The following CSMD1 variants were observed in gnomAD, a reference collection of about 807,000 sequenced individuals.
The protein encoded by CSMD1 is CUB and Sushi multiple domains 1, also known as CUB and sushi domain-containing protein 1.
In CSMD1, 213 loss-of-function variants were observed where a neutral mutation model predicts 417.5. The observed-to-expected ratio is 0.51, with a 90% confidence interval of 0.46 to 0.57. CSMD1 has a LOEUF of 0.57. Ranked by LOEUF, CSMD1 falls within the 20% of genes least tolerant of loss-of-function variation. CSMD1 has a pLI of 0.00. For missense variants in CSMD1, 6,923 were observed against 4,529.7 expected (o/e 1.53, Z -15.17); for synonymous variants, 2,862 against 1,736.8 (o/e 1.65, Z -16.11).
chr8:4,804,174 C>T (rs902738599), intron 1 of CSMD1, among the ~76,000 whole-genome samples: 8 of 152,222 alleles, frequency 5.3e-5, no homozygotes, highest in South Asian at 2.1e-4. Flanking sequence ...CTGAATGGAA[C>T]CAAATAATGA....
intron 1 of CSMD1, among the ~76,000 whole-genome samples, chr8:4,823,878 G>A (rs1014484703): frequency 5.9e-5 from 9 of 151,900 alleles, no homozygotes; most frequent in Non-Finnish European, 1.0e-4. Context: ...GCTTAATATT[G>A]AACTTTGAGA....
chr8:4,954,191 C>T (rs554527246), intron 1 of CSMD1, among the ~76,000 whole-genome samples: 1 of 152,164 alleles, frequency 6.6e-6, no homozygotes, highest in South Asian at 2.1e-4. Context: ...AAACAGAAAA[C>T]ACATTATGTG....
At chr8:3,450,565 G>GTT (rs200679428) in intron 12 of CSMD1, among the ~76,000 whole-genome samples, 75 of 144,906 alleles carry the variant, frequency 5.2e-4, no homozygotes, top group East Asian at 2.6e-3. Flanking sequence ...TGCAGTGTTT[G>GTT]TTTTTTTTTT....
intron 25 of CSMD1, among the ~76,000 whole-genome samples, chr8:3,300,201 G>A (rs1804279292): frequency 1.3e-5 from 2 of 152,078 alleles, no homozygotes; most frequent in South Asian, 4.2e-4. Context: ...CAAAATAAAT[G>A]TTCAGAATAA....
chr8:4,008,443 G>C (rs938129603), intron 4 of CSMD1, among the ~76,000 whole-genome samples: 2 of 151,316 alleles, frequency 1.3e-5, no homozygotes, highest in African/African-American at 2.4e-5. Flanking sequence ...CTGAAATTTG[G>C]TGACAGAATT....
chr8:3,479,080 C>G (rs1817589516), intron 11 of CSMD1, among the ~76,000 whole-genome samples: 1 of 152,042 alleles, frequency 6.6e-6, no homozygotes, highest in Non-Finnish European at 1.5e-5. Flanking sequence ...CAGCAGAAAG[C>G]AGTGGAGACT....
At chr8:3,507,863 T>C (rs1051622323) in intron 10 of CSMD1, among the ~76,000 whole-genome samples, 3 of 152,190 alleles carry the variant, frequency 2.0e-5, no homozygotes, top group Admixed American at 1.3e-4. Context: ...GTTTGTTTTT[T>C]TTCTTGCAAA....
At chr8:4,810,626 T>C (rs1475611460) in intron 1 of CSMD1, among the ~76,000 whole-genome samples, 1 of 152,118 alleles carries the variant, frequency 6.6e-6, no homozygotes, top group Non-Finnish European at 1.5e-5. Context: ...TCCAGGAAAA[T>C]ATGCAGATAA....
chr8:3,814,094 G>C (rs188121769), intron 5 of CSMD1, among the ~76,000 whole-genome samples: 1 of 152,288 alleles, frequency 6.6e-6, no homozygotes, highest in African/African-American at 2.4e-5. Flanking sequence ...TGAAGGAAGA[G>C]CTTGAGATCA....
chr8:3,301,123 C>T (rs1804369490), intron 25 of CSMD1, among the ~76,000 whole-genome samples: 2 of 151,918 alleles, frequency 1.3e-5, no homozygotes, highest in South Asian at 2.1e-4. Flanking sequence ...ATGATTTCTT[C>T]AATTGTTTTT....
chr8:3,556,049 T>C (rs1020981490), intron 10 of CSMD1, among the ~76,000 whole-genome samples: 53 of 152,246 alleles, frequency 3.5e-4, no homozygotes, highest in African/African-American at 1.3e-3. Flanking sequence ...ACATTAACTT[T>C]TCGCTCTAGA....
intron 13 of CSMD1, among the ~76,000 whole-genome samples, 179 bp downstream of exon 13, chr8:3,409,244 T>C (rs937829401): frequency 5.9e-5 from 9 of 152,230 alleles, no homozygotes; most frequent in Admixed American, 1.3e-4. Context: ...TTTTACTAAA[T>C]GAAGAAAGCA....
intron 2 of CSMD1, among the ~76,000 whole-genome samples, chr8:4,443,242 G>T (rs1179304487): frequency 6.6e-6 from 1 of 152,078 alleles, no homozygotes. Flanking sequence ...GTTTTAAGAT[G>T]GATAATGTCA....
chr8:3,126,305 T>C (rs1237877652), intron 41 of CSMD1, among the ~76,000 whole-genome samples: 1 of 152,206 alleles, frequency 6.6e-6, no homozygotes, highest in Non-Finnish European at 1.5e-5. Flanking sequence ...GTTTCTTTGA[T>C]AAAATATTTC....
chr8:3,495,111 G>A (rs1398262896), intron 10 of CSMD1, among the ~76,000 whole-genome samples: 1 of 152,106 alleles, frequency 6.6e-6, no homozygotes, highest in Non-Finnish European at 1.5e-5. Context: ...CATTATTTTA[G>A]CAATCTCATT....
At chr8:3,924,771 G>C (rs911142692) in intron 5 of CSMD1, among the ~76,000 whole-genome samples, 2 of 141,362 alleles carry the variant, frequency 1.4e-5, no homozygotes, top group Non-Finnish European at 3.2e-5. Flanking sequence ...TGTTTTTCTG[G>C]TACTCTTCAA....
chr8:3,445,243 G>A (rs1181427023), intron 12 of CSMD1, among the ~76,000 whole-genome samples: 6 of 152,144 alleles, frequency 3.9e-5, no homozygotes, highest in Admixed American at 6.5e-5. Context: ...TCTGGGTTAC[G>A]TTCTCTGGGT....
chr8:4,002,859 G>T (rs560256416), intron 4 of CSMD1, among the ~76,000 whole-genome samples: 1 of 152,278 alleles, frequency 6.6e-6, no homozygotes, highest in Admixed American at 6.5e-5. Context: ...ATGTTTGAAT[G>T]TATTAAATAA....
chr8:4,599,385 A>T (rs1195045992), intron 2 of CSMD1, among the ~76,000 whole-genome samples: 9 of 151,718 alleles, frequency 5.9e-5, no homozygotes, highest in African/African-American at 2.2e-4. Context: ...TTCCTTAAAG[A>T]TCTGTTGAGA....
Sources: allele counts gnomAD v4.1 joint callset (sites outside exome capture counted in the v4.1 genomes callset), GRCh38; gene constraint gnomAD v4.1.1; transcripts MANE v1.5; gene names NCBI Gene and HGNC (gene_info 2026-07-23, HGNC 2026-07-21).